The following HLCS variants were observed in gnomAD, a reference collection of about 807,000 sequenced individuals.
HLCS encodes holocarboxylase synthetase.
A neutral mutation model predicts 75.0 loss-of-function variants in HLCS; 53 were observed. That is an observed-to-expected ratio of 0.71 (90% confidence interval 0.57 to 0.89). HLCS has a LOEUF of 0.89. Among genes scored for constraint, HLCS ranks in the 40% least tolerant of loss-of-function variants. The pLI is 0.00. For missense variants in HLCS, 966 were observed against 1,074.0 expected (o/e 0.90, Z 1.41); for synonymous variants, 431 against 428.6 (o/e 1.01, Z -0.07).
chr21:36,761,085 G>A (rs2089822538), intron 8 of HLCS, among the ~76,000 whole-genome samples: 2 of 152,196 alleles, frequency 1.3e-5, no homozygotes, highest in Non-Finnish European at 2.9e-5. Flanking sequence ...GGCCGGGCAT[G>A]GCACCAAGCA....
chr21:36,858,448 CAG>C (rs1053794174), intron 6 of HLCS, among the ~76,000 whole-genome samples: 9 of 152,140 alleles, frequency 5.9e-5, no homozygotes, highest in Admixed American at 3.9e-4. Flanking sequence ...TTACAGAAAA[CAG>C]AAGATTGGGG....
chr21:36,783,432 T>A (rs1601228904), intron 6 of HLCS, among the ~76,000 whole-genome samples: 6 of 152,242 alleles, frequency 3.9e-5, no homozygotes, highest in Admixed American at 3.9e-4. Flanking sequence ...AAAGAGGCAG[T>A]AATTCTCTTC....
At chr21:36,867,950 G>A (rs1229187903) in intron 6 of HLCS, among the ~76,000 whole-genome samples, 4 of 152,048 alleles carry the variant, frequency 2.6e-5, no homozygotes, top group East Asian at 1.9e-4. Context: ...TCAGGAGTTC[G>A]AGATCAGCCT....
In HLCS at chr21:36,909,665, T is replaced by C. The variant is rs532828898; in HGVS notation, c.1621-12534A>G. On this transcript the variant is annotated intron_variant, in intron 5 of 10. Transcript: ENST00000674895. ...TGGAGTGCAATGACGTGATCATAGATCACTGTAACCTTGAACTCCTGGGCT... is the reference window on the plus strand; with the variant it reads ...TGGAGTGCAATGACGTGATCATAGACCACTGTAACCTTGAACTCCTGGGCT... Among the ~76,000 whole-genome samples the C allele has an allele frequency of 6.6e-5, 10 of 152,310 alleles. No homozygotes were observed. In the South Asian group the frequency reaches 2.1e-3, roughly 32 times the overall value.
At position 36,760,149 on chromosome 21, in the gene HLCS, G is replaced by A. The variant is rs370148634; in HGVS notation, c.2122-308C>T. ...CTTGTAAATGAAGTTCATTATGTCA[G>A]TATCCACCACCACCACCACCATGGA... On this transcript the variant is annotated intron_variant, in intron 8 of 10. Transcript: ENST00000674895. Among the ~76,000 whole-genome samples the A allele has an allele frequency of 1.2e-4, 19 of 152,256 alleles. No homozygotes were observed. In the East Asian group the frequency reaches 2.7e-3, roughly 22 times the overall value.
At chr21:36,908,110 C>T (rs1028637293) in intron 5 of HLCS, among the ~76,000 whole-genome samples, 3 of 151,796 alleles carry the variant, frequency 2.0e-5, no homozygotes, top group Non-Finnish European at 2.9e-5. Flanking sequence ...TCTGGCCGGC[C>T]ACAGTGGCTC....
At chr21:36,855,042 C>T (rs2835503) in intron 6 of HLCS, among the ~76,000 whole-genome samples, 76,943 of 151,854 alleles carry the variant, frequency 0.51, 20,766 homozygotes, top group African/African-American at 0.7. Flanking sequence ...TCATAGTGTC[C>T]AGGCTGCCCA....
chr21:36,838,586 C>T lies in HLCS; in HGVS notation c.1892+58274G>A, dbSNP rs145074173. Among the ~76,000 whole-genome samples the T allele has an allele frequency of 2.2e-4, 33 of 151,956 alleles. No homozygotes were observed. The East Asian group carries it at 4.3e-3, about 20-fold the overall frequency. On this transcript the variant is annotated intron_variant, in intron 6 of 10. Transcript: ENST00000674895. Reference sequence around the variant, plus strand: ...GGGAGAGGTGATGGGTGCCTGCAGTCGCAGCTACTCGGGAGGCTGAGGCAG... The same window carrying T: ...GGGAGAGGTGATGGGTGCCTGCAGTTGCAGCTACTCGGGAGGCTGAGGCAG...
chr21:36,782,498 G>A (rs942179742), intron 6 of HLCS, among the ~76,000 whole-genome samples: 4 of 152,142 alleles, frequency 2.6e-5, no homozygotes, highest in Non-Finnish European at 5.9e-5. Flanking sequence ...AAACAGGCTG[G>A]AGACCTGACC....
intron 4 of HLCS, 61 bp downstream of exon 4, chr21:36,936,388 T>C (rs565101860): frequency 1.0e-5 from 14 of 1,399,440 alleles, no homozygotes; most frequent in African/African-American, 4.2e-5. Context: ...AAAAGACATA[T>C]TCCCTCGCAA....
At chr21:36,816,721 C>A (rs963300378) in intron 6 of HLCS, among the ~76,000 whole-genome samples, 1 of 152,120 alleles carries the variant, frequency 6.6e-6, no homozygotes, top group Non-Finnish European at 1.5e-5. Context: ...AGAAAATGAG[C>A]TATCGGAAAC....
At chr21:36,849,265 C>T (rs192685687) in intron 6 of HLCS, among the ~76,000 whole-genome samples, 190 of 152,360 alleles carry the variant, frequency 1.2e-3, no homozygotes, top group Non-Finnish European at 2.0e-3. Context: ...GCAATCAATG[C>T]ATCCATCATG....
At chr21:36,831,346 C>T (rs2062202919) in intron 6 of HLCS, among the ~76,000 whole-genome samples, 1 of 151,966 alleles carries the variant, frequency 6.6e-6, no homozygotes, top group South Asian at 2.1e-4. Flanking sequence ...TTGAGGGTAG[C>T]CAAAGGGAAG....
At chr21:36,900,133 A>G (rs533313723) in intron 5 of HLCS, among the ~76,000 whole-genome samples, 2 of 152,204 alleles carry the variant, frequency 1.3e-5, no homozygotes, top group South Asian at 2.1e-4. Context: ...AAAAACAACA[A>G]AAAAAACAAA....
chr21:36,883,448 C>G lies in HLCS; in HGVS notation c.1892+13412G>C, dbSNP rs531370865. Among the ~76,000 whole-genome samples, 6 of 152,342 alleles carry G rather than the reference C, an allele frequency of 3.9e-5. No homozygotes were observed. The East Asian group carries it at 7.7e-4, about 20-fold the overall frequency. On this transcript the variant is annotated intron_variant, in intron 6 of 10. Transcript: ENST00000674895. ...TTTTAAGCCGGAACTCAACCTCTAT[C>G]TGCACACCCCATGTGTCCAGGTGAC... is the stretch of plus-strand genomic sequence containing the variant.
At position 36,966,625 on chromosome 21, in the gene HLCS, A is replaced by C. The variant is rs1356724748; in HGVS notation, c.14T>G (p.Leu5Arg). 2.0e-6 allele frequency: 2 copies of C among 982,254 alleles called. No individual in the cohort carries two copies. Among genetic ancestry groups the C allele is most frequent in the Non-Finnish European group, 2.4e-6 (2 of 828,952 alleles). 60.8% of individuals were successfully genotyped at this position (982,254 alleles called of 1,614,324 possible). ...GCGCGCCCACAGGTACAGGTAGCAC[A>C]GCGTGATGAGCATGGCCGCGCCGCC... is the stretch of plus-strand genomic sequence containing the variant. MLIT[L>R]CYLYLWARWG... is the part of the protein sequence containing the mutation. Residue 5 changes from leucine to arginine, a missense_variant, in exon 1 of 11, where the codon CTG becomes CGG. Transcript: ENST00000674895.
chr21:36,887,885 C>A (rs985781721), intron 6 of HLCS, among the ~76,000 whole-genome samples: 5 of 152,146 alleles, frequency 3.3e-5, no homozygotes, highest in African/African-American at 1.2e-4. Flanking sequence ...ACCAATAACA[C>A]AATACAGGCA....
At chr21:36,960,931 C>T (rs1288086080) in intron 2 of HLCS, among the ~76,000 whole-genome samples, 2 of 152,126 alleles carry the variant, frequency 1.3e-5, no homozygotes, top group South Asian at 2.1e-4. Context: ...AAGAGGAATG[C>T]CCAAAGAAGG....
At chr21:36,819,963 C>T (rs572064937) in intron 6 of HLCS, among the ~76,000 whole-genome samples, 1 of 152,162 alleles carries the variant, frequency 6.6e-6, no homozygotes, top group Non-Finnish European at 1.5e-5. Context: ...TAAAAAAGAG[C>T]CATCCTACCT....
Sources: allele counts gnomAD v4.1 joint callset (sites outside exome capture counted in the v4.1 genomes callset), GRCh38; gene constraint gnomAD v4.1.1; transcripts MANE v1.5; gene names NCBI Gene and HGNC (gene_info 2026-07-23, HGNC 2026-07-21).